The following NEGR1 variants were observed in gnomAD, a reference collection of about 807,000 sequenced individuals.
NEGR1 encodes IgLON family member 4.
A neutral mutation model predicts 40.9 loss-of-function variants in NEGR1; 10 were observed. The observed-to-expected ratio is 0.24, with a 90% confidence interval of 0.15 to 0.42. The LOEUF is 0.42. Ranked by LOEUF, NEGR1 falls within the 10% of genes least tolerant of loss-of-function variation. The pLI is 1.00. For missense variants in NEGR1, 352 were observed against 438.9 expected (o/e 0.80, Z 1.77); for synonymous variants, 185 against 166.8 (o/e 1.11, Z -0.84).
rs1273337765 is a variant in NEGR1 at position 71,398,024 on chromosome 1, G to T, written c.*9422C>A. 1 of 152,206 alleles carries T rather than the reference G, an allele frequency of 6.6e-6. No homozygotes were observed. Among genetic ancestry groups the T allele is most frequent in the Non-Finnish European group, 1.5e-5 (1 of 68,072 alleles). 9.4% of individuals were successfully genotyped at this position (152,206 alleles called of 1,614,324 possible). A position where few individuals can be genotyped will look rare whatever the true frequency, so the allele number is the denominator to read the frequency against. On this transcript the variant is annotated 3_prime_UTR_variant, in exon 7 of 7. Coordinates refer to ENST00000357731, the MANE Select transcript of NEGR1 (RefSeq NM_173808.3). The stretch of plus-strand genomic sequence containing the variant: ...CCCAAGCCTTGGCAGCTTCCACATG[G>T]TGTTGAGCCTGTGGGTGCATGGAAG...
chr1:71,797,663 C>T (rs969312708), intron 2 of NEGR1, among the ~76,000 whole-genome samples: 1 of 152,166 alleles, frequency 6.6e-6, no homozygotes, highest in East Asian at 1.9e-4. Flanking sequence ...ACATTAAATG[C>T]TGTTGGATTG....
intron 4 of NEGR1, among the ~76,000 whole-genome samples, chr1:71,631,573 T>C (rs1305158352): frequency 6.6e-6 from 1 of 151,886 alleles, no homozygotes; most frequent in Admixed American, 6.6e-5. Flanking sequence ...TTTTCCATCC[T>C]TGAAATTTAG....
intron 2 of NEGR1, among the ~76,000 whole-genome samples, chr1:71,795,687 C>T (rs1472369966): frequency 6.6e-6 from 1 of 152,014 alleles, no homozygotes; most frequent in African/African-American, 2.4e-5. Context: ...CAACTGCAGA[C>T]AAAATGAGTT....
At chr1:72,133,230 G>A (rs1331052996) in intron 1 of NEGR1, among the ~76,000 whole-genome samples, 1 of 152,028 alleles carries the variant, frequency 6.6e-6, no homozygotes, top group Non-Finnish European at 1.5e-5. Context: ...AAATTTAAAT[G>A]TAGAGTTCCT....
chr1:72,198,830 TAA>T (rs1653094581), intron 1 of NEGR1, among the ~76,000 whole-genome samples: 1 of 151,994 alleles, frequency 6.6e-6, no homozygotes. Context: ...TATCTTAAAA[TAA>T]GTTTTCCTTA....
chr1:72,017,101 A>G (rs1646718224), intron 1 of NEGR1, among the ~76,000 whole-genome samples: 1 of 150,148 alleles, frequency 6.7e-6, no homozygotes, highest in Non-Finnish European at 1.5e-5. Context: ...ATATACAAAT[A>G]ATACACACAT....
chr1:71,574,046 G>A (rs1173155720), intron 6 of NEGR1, among the ~76,000 whole-genome samples: 1 of 152,196 alleles, frequency 6.6e-6, no homozygotes, highest in African/African-American at 2.4e-5. Context: ...AGGATAAAAA[G>A]TAAATGCTTT....
intron 2 of NEGR1, among the ~76,000 whole-genome samples, chr1:71,898,963 GC>G (rs1661058365): frequency 2.6e-5 from 1 of 38,328 alleles, no homozygotes; most frequent in African/African-American, 1.0e-4. Context: ...TATATATATA[GC>G]ATATATATAT....
In NEGR1 at chr1:72,168,012, T is replaced by A. The variant is rs1013263410; in HGVS notation, c.176+114307A>T. ...AGTTATATTATTATTATTATTTTTT[T>A]TTTTTTTTCTGAGACAAGCATCTCA... On this transcript the variant is annotated intron_variant, in intron 1 of 6. Transcript: ENST00000357731. Among the ~76,000 whole-genome samples, 324 of 150,862 alleles carry A rather than the reference T, an allele frequency of 2.1e-3. 2 individuals carry two copies. The highest frequency in any genetic ancestry group is 7.1e-3 in the African/African-American group (292 of 41,250).
chr1:71,669,105 C>T (rs1652333259), intron 4 of NEGR1, among the ~76,000 whole-genome samples: 1 of 152,012 alleles, frequency 6.6e-6, no homozygotes, highest in African/African-American at 2.4e-5. Flanking sequence ...TTATATATTC[C>T]TAGCTGTAGA....
intron 4 of NEGR1, among the ~76,000 whole-genome samples, chr1:71,643,597 GA>G (rs1651429600): frequency 6.6e-6 from 1 of 151,966 alleles, no homozygotes; most frequent in Non-Finnish European, 1.5e-5. Context: ...AAGAAAGAGA[GA>G]AAAGGATATT....
intron 3 of NEGR1, among the ~76,000 whole-genome samples, chr1:71,757,855 G>A (rs1233937076): frequency 2.6e-5 from 4 of 152,036 alleles, no homozygotes; most frequent in Non-Finnish European, 5.9e-5. Context: ...TAAGAACACA[G>A]TATTCATCAC....
intron 6 of NEGR1, among the ~76,000 whole-genome samples, chr1:71,570,185 A>T (rs1030406298): frequency 6.6e-6 from 1 of 152,176 alleles, no homozygotes; most frequent in Non-Finnish European, 1.5e-5. Flanking sequence ...CATTTAATAA[A>T]TTTTTATGTA....
At chr1:71,564,067 C>G (rs889712919) in intron 6 of NEGR1, among the ~76,000 whole-genome samples, 1 of 151,998 alleles carries the variant, frequency 6.6e-6, no homozygotes, top group Non-Finnish European at 1.5e-5. Flanking sequence ...TTATCAAATG[C>G]CTTTATCCAT....
intron 1 of NEGR1, among the ~76,000 whole-genome samples, chr1:72,130,032 C>T (rs1211646175): frequency 6.6e-6 from 1 of 152,146 alleles, no homozygotes; most frequent in Non-Finnish European, 1.5e-5. Context: ...TAATAAATAA[C>T]CCAGATACTG....
chr1:71,839,876 T>C (rs1186560175), intron 2 of NEGR1, among the ~76,000 whole-genome samples: 2 of 152,158 alleles, frequency 1.3e-5, no homozygotes, highest in East Asian at 3.9e-4. Context: ...TTGAAGGACA[T>C]GCTGAAACTC....
intron 1 of NEGR1, among the ~76,000 whole-genome samples, chr1:72,012,263 C>T (rs1316865615): frequency 6.6e-6 from 1 of 152,060 alleles, no homozygotes; most frequent in African/African-American, 2.4e-5. Flanking sequence ...AAGCACGCCC[C>T]AGACCAACAG....
intron 6 of NEGR1, among the ~76,000 whole-genome samples, chr1:71,464,887 A>T (rs182959860): frequency 5.4e-4 from 82 of 152,250 alleles, no homozygotes; most frequent in Admixed American, 3.1e-3. Flanking sequence ...AGTTGAAGTA[A>T]CAAAGGCAGT....
At chr1:72,098,357 C>T (rs1035664635) in intron 1 of NEGR1, among the ~76,000 whole-genome samples, 6 of 152,158 alleles carry the variant, frequency 3.9e-5, no homozygotes, top group Admixed American at 3.9e-4. Flanking sequence ...CAGTCATATT[C>T]TCCCACCATT....
Sources: allele counts gnomAD v4.1 joint callset (sites outside exome capture counted in the v4.1 genomes callset), GRCh38; gene constraint gnomAD v4.1.1; transcripts MANE v1.5; gene names NCBI Gene and HGNC (gene_info 2026-07-23, HGNC 2026-07-21).